The following PAH variants were observed in gnomAD, a reference collection of about 807,000 sequenced individuals.
The protein encoded by PAH is phenylalanine-4-hydroxylase.
In PAH, 64 loss-of-function variants were observed where a neutral mutation model predicts 62.0. That is an observed-to-expected ratio of 1.03 (90% confidence interval 0.84 to 1.27). PAH has a LOEUF of 1.27. Ranked by LOEUF, PAH falls within the 50% of genes most tolerant of loss-of-function variation. The probability of loss-of-function intolerance (pLI) is 0.00; values close to 1 mark genes in which losing one functional copy is unlikely to be tolerated. For missense variants in PAH, 579 were observed against 542.8 expected, an observed-to-expected ratio of 1.07 and a Z score of -0.66; for synonymous variants, 195 against 196.2, an observed-to-expected ratio of 0.99 and a Z score of 0.05.
chr12:102,931,599 A>G (rs1232113282), intron 1 of PAH, among the ~76,000 whole-genome samples: 1 of 152,074 alleles, frequency 6.6e-6, no homozygotes, highest in Non-Finnish European at 1.5e-5. Context: ...AGCTCTGATG[A>G]CTTCATTTTG....
chr12:102,878,248 G>T (rs1412112988), intron 3 of PAH, among the ~76,000 whole-genome samples: 1 of 152,198 alleles, frequency 6.6e-6, no homozygotes, highest in Non-Finnish European at 1.5e-5. Context: ...AAGGCCCCAG[G>T]CACTGCAGCA....
At position 102,892,970 on chromosome 12, in the gene PAH, C is replaced by T. The variant is rs535207138; in HGVS notation, c.352+1765G>A. 1.8e-4 allele frequency among the ~76,000 whole-genome samples: 28 copies of T among 152,144 alleles called. No individual in the cohort carries two copies. The South Asian group carries it at 4.8e-3, about 26-fold the overall frequency. On this transcript the variant is annotated intron_variant, in intron 3 of 12. Transcript: ENST00000553106. ...TCAATTAGTGATAATATATCAATAT[C>T]GGCTCATCAGTTCTAAAAAAAAATA... is the stretch of plus-strand genomic sequence containing the variant.
chr12:102,849,592 GC>G (rs1875059554), intron 8 of PAH, among the ~76,000 whole-genome samples: 1 of 152,176 alleles, frequency 6.6e-6, no homozygotes, highest in South Asian at 2.1e-4. Flanking sequence ...CACTCCCTGG[GC>G]CAAGTCCAGA....
At chr12:102,936,872 G>C (rs1354140449) in intron 1 of PAH, among the ~76,000 whole-genome samples, 1 of 152,058 alleles carries the variant, frequency 6.6e-6, no homozygotes, top group Non-Finnish European at 1.5e-5. Flanking sequence ...ATATGGTTTG[G>C]CTGAGTCCCC....
chr12:102,939,795 C>T (rs376641100), intron 1 of PAH, among the ~76,000 whole-genome samples: 26 of 152,348 alleles, frequency 1.7e-4, no homozygotes, highest in African/African-American at 6.3e-4. Context: ...TATGCCATTG[C>T]CACTGCCAAG....
intron 8 of PAH, 74 bp from the exon 9 acceptor site, chr12:102,847,025 T>G (rs1238838179): frequency 9.4e-6 from 12 of 1,277,724 alleles, no homozygotes; most frequent in Non-Finnish European, 1.4e-5. Context: ...TACTTGGCCA[T>G]AAAAAGGTGA....
At chr12:102,844,469 T>C (rs1874744155) in intron 9 of PAH, 38 bp from the exon 10 acceptor site, 1 of 1,352,756 alleles carries the variant, frequency 7.4e-7, no homozygotes, top group African/African-American at 1.4e-5. Context: ...CACTCTATGA[T>C]GGTTAATTTT....
At chr12:102,862,087 T>C (rs1875753187) in intron 5 of PAH, among the ~76,000 whole-genome samples, 1 of 151,992 alleles carries the variant, frequency 6.6e-6, no homozygotes, top group Non-Finnish European at 1.5e-5. Context: ...CATTCTATCA[T>C]AAAGACACAT....
intron 5 of PAH, among the ~76,000 whole-genome samples, chr12:102,860,996 A>T (rs1875688585): frequency 6.6e-6 from 1 of 152,254 alleles, no homozygotes; most frequent in African/African-American, 2.4e-5. Context: ...GATATAATTA[A>T]ACTAAAGAGC....
chr12:102,896,101 A>C (rs888915007), intron 2 of PAH, among the ~76,000 whole-genome samples: 1 of 152,122 alleles, frequency 6.6e-6, no homozygotes, highest in Admixed American at 6.5e-5. Context: ...GACTAAGGCA[A>C]AAATGCAACA....
chr12:102,839,274 C>G, intron 12 of PAH, 56 bp from the exon 13 acceptor site: 1 of 1,552,112 alleles, frequency 6.4e-7, no homozygotes, highest in Non-Finnish European at 8.9e-7. Flanking sequence ...AAAAACTCTT[C>G]AAGTGTCCTC....
intron 5 of PAH, among the ~76,000 whole-genome samples, chr12:102,859,779 C>T (rs1157975101): frequency 1.3e-5 from 2 of 152,186 alleles, no homozygotes; most frequent in African/African-American, 4.8e-5. Flanking sequence ...AACAGCCTTT[C>T]ATGCTAAAAA....
At chr12:102,925,516 C>T (rs1878660792) in intron 1 of PAH, among the ~76,000 whole-genome samples, 1 of 152,116 alleles carries the variant, frequency 6.6e-6, no homozygotes, top group Non-Finnish European at 1.5e-5. Context: ...ATCTAAGAGA[C>T]ACGGATTGAT....
chr12:102,953,620 T>C (rs1879830680), upstream of PAH: 1 of 152,224 alleles, frequency 6.6e-6, no homozygotes, highest in Admixed American at 6.5e-5. Context: ...TGAATGAAGA[T>C]AAAGTCTAAT....
intron 3 of PAH, among the ~76,000 whole-genome samples, chr12:102,893,858 T>G (rs1877381574): frequency 6.6e-6 from 1 of 152,222 alleles, no homozygotes; most frequent in African/African-American, 2.4e-5. Flanking sequence ...CTCAGAAATA[T>G]GTGCAGAGCA....
At position 102,894,727 on chromosome 12, in the gene PAH, A is replaced by G; in HGVS notation, c.352+8T>C. 6.2e-7 allele frequency: 1 copy of G among 1,613,114 alleles called. No individual in the cohort carries two copies. Among genetic ancestry groups the G allele is most frequent in the Non-Finnish European group, 8.5e-7 (1 of 1,179,074 alleles). On this transcript the variant is annotated splice_region_variant and intron_variant, in intron 3 of 12. Transcript: ENST00000553106. ...TTACTTATGTTGCAAAATTCCTCTA[A>G]TTCTTACCTGTGTCTTTCTTCTTAT... is the stretch of plus-strand genomic sequence containing the variant.
At chr12:102,841,352 C>G (rs1323751536) in intron 11 of PAH, among the ~76,000 whole-genome samples, 3 of 152,160 alleles carry the variant, frequency 2.0e-5, no homozygotes, top group African/African-American at 7.2e-5. Context: ...AACCTATAAG[C>G]TGCTGTACTG....
chr12:102,894,770 A>T lies in PAH; in HGVS notation c.317T>A (p.Val106Asp). 6.2e-7 allele frequency: 1 copy of T among 1,614,156 alleles called. No homozygotes were observed. Among genetic ancestry groups the T allele is most frequent in the South Asian group, 1.1e-5 (1 of 91,072 alleles). The change falls in exon 3 of 13, where the codon GTC (valine) becomes GAC (aspartate). Residue 106 changes from valine to aspartate, a missense_variant. Physicochemically the swap from Val to Asp is radical, Grantham distance 152. Transcript: ENST00000553106. ...KILRHDIGAT[V>D]HELSRDKKKD... The stretch of plus-strand genomic sequence containing the variant: ...CTTCTTATCTCGTGAAAGCTCATGG[A>T]CAGTGGCACCAATGTCATGCCTCAA...
intron 5 of PAH, among the ~76,000 whole-genome samples, chr12:102,859,498 A>G (rs1329627580): frequency 6.6e-6 from 1 of 152,246 alleles, no homozygotes; most frequent in Non-Finnish European, 1.5e-5. Context: ...TCCTGATACC[A>G]AAGCCTGGCA....
Sources: allele counts gnomAD v4.1 joint callset (sites outside exome capture counted in the v4.1 genomes callset), GRCh38; gene constraint gnomAD v4.1.1; transcripts MANE v1.5; gene names NCBI Gene and HGNC (gene_info 2026-07-23, HGNC 2026-07-21).